FAM117A: variants seen among roughly 807,000 people sequenced by gnomAD.
The protein encoded by FAM117A is protein FAM117A.
A neutral mutation model predicts 44.1 loss-of-function variants in FAM117A; 21 were observed. That is an observed-to-expected ratio of 0.48 (90% CI 0.34 to 0.69). The LOEUF (loss-of-function observed/expected upper bound fraction) is 0.69, where lower values mean the gene tolerates loss of function less well. Among genes scored for constraint, FAM117A ranks in the 30% least tolerant of loss-of-function variants. The pLI is 0.01. For missense variants in FAM117A, 498 were observed against 589.9 expected (o/e 0.84, Z 1.61); for synonymous variants, 220 against 238.3 (o/e 0.92, Z 0.71).
chr17:49,711,273 C>T lies in FAM117A; in HGVS notation c.1344G>A (p.Gln448=), dbSNP rs2143681903. ...TPPSEEPVLF[Q]SSLMV ...GGGACCCTCAGACCATCAGGGAGCTCTGGAAAAGCACAGGCTCTTCTGATG... is the reference window on the plus strand; with the variant it reads ...GGGACCCTCAGACCATCAGGGAGCTTTGGAAAAGCACAGGCTCTTCTGATG... Residue 448 remains glutamine (Q), a synonymous_variant, in exon 8 of 8, where the codon CAG becomes CAA. Transcript: ENST00000240364. 2.5e-6 allele frequency: 4 copies of T among 1,605,852 alleles called. No homozygotes were observed. Among genetic ancestry groups the T allele is most frequent in the Non-Finnish European group, 3.4e-6 (4 of 1,175,098 alleles).
upstream of FAM117A, chr17:49,788,717 A>C: frequency 1.8e-6 from 2 of 1,134,804 alleles, no homozygotes; most frequent in South Asian, 1.5e-5. Context: ...AGGAGGCACT[A>C]GGGATCGTCC....
rs138766892 is a variant in FAM117A, at chr17:49,713,505, T to C, written c.1062-1950A>G. ...TGCACTCAGTATACAGACTGATAAA[T>C]TGGTTACCATCTTTTTTTTTGGACA... On this transcript the variant is annotated intron_variant, in intron 7 of 7. Coordinates refer to ENST00000240364, the MANE Select transcript of FAM117A (RefSeq NM_030802.4). Among the ~76,000 whole-genome samples the C allele has an allele frequency of 8.4e-3, 1,281 of 152,160 alleles. 9 individuals carry two copies. The highest frequency in any genetic ancestry group is 0.015 in the South Asian group (70 of 4,822).
At chr17:49,751,299 A>G (rs531145640) in intron 1 of FAM117A, among the ~76,000 whole-genome samples, 5,408 of 148,798 alleles carry the variant, frequency 0.036, 267 homozygotes, top group African/African-American at 0.11. Context: ...AAAAAAAAAA[A>G]GCCGGGCGCG....
At chr17:49,744,492 A>G (rs1229182138) in intron 1 of FAM117A, among the ~76,000 whole-genome samples, 1 of 150,556 alleles carries the variant, frequency 6.6e-6, no homozygotes, top group Non-Finnish European at 1.5e-5. Context: ...GCTAATTTCT[A>G]AATTTTTTGT....
intron 2 of FAM117A, among the ~76,000 whole-genome samples, chr17:49,724,167 A>G (rs1329608742): frequency 6.6e-6 from 1 of 152,128 alleles, no homozygotes; most frequent in Non-Finnish European, 1.5e-5. Flanking sequence ...GTGAGGAGGA[A>G]GCCCATCTCT....
At chr17:49,753,494 C>A (rs556105388) in intron 1 of FAM117A, among the ~76,000 whole-genome samples, 78 of 152,282 alleles carry the variant, frequency 5.1e-4, no homozygotes, top group Non-Finnish European at 1.0e-3. Flanking sequence ...AGAAGCACCA[C>A]AGAGCTAAAC....
In FAM117A at chr17:49,749,534, G is replaced by A. The variant is rs1190114012; in HGVS notation, c.196+14358C>T. 4.2e-5 allele frequency among the ~76,000 whole-genome samples: 5 copies of A among 119,600 alleles called. 1 individual carries two copies. The highest frequency in any genetic ancestry group is 1.9e-4 in the Admixed American group (2 of 10,808). The allele number at this position is 119,600 out of a possible 152,430, so 78.5% of individuals were successfully genotyped here. ...AGAAGTTGCAGTGAGCCGAGATCGC[G>A]CCACTGTACTCTAGCCTGGTGACAG... On this transcript the variant is annotated intron_variant, in intron 1 of 7. Transcript: ENST00000240364.
intron 1 of FAM117A, among the ~76,000 whole-genome samples, chr17:49,773,744 G>A (rs558293405): frequency 6.6e-6 from 1 of 151,106 alleles, no homozygotes; most frequent in Admixed American, 6.6e-5. Flanking sequence ...TTTTGTAGTA[G>A]CTTAAGGTAG....
intron 1 of FAM117A, 52 bp from the exon 2 acceptor site, chr17:49,732,772 C>T (rs768389703): frequency 2.8e-5 from 44 of 1,567,554 alleles, no homozygotes; most frequent in South Asian, 2.5e-4. Flanking sequence ...AGGAAGGAGA[C>T]GTGGCAATCA....
At chr17:49,719,919 TCA>T in intron 4 of FAM117A, 25 bp from the exon 5 acceptor site, 2 of 1,593,434 alleles carry the variant, frequency 1.3e-6, no homozygotes, top group Non-Finnish European at 1.7e-6. Context: ...AATGACAAAA[TCA>T]CACACAGCCC....
intron 1 of FAM117A, among the ~76,000 whole-genome samples, chr17:49,777,444 G>T (rs1377755829): frequency 1.3e-5 from 2 of 152,124 alleles, no homozygotes; most frequent in Admixed American, 6.6e-5. Context: ...GTAGTATCTT[G>T]TATGAGACCT....
At chr17:49,715,822 C>G (rs1470081080) in intron 7 of FAM117A, among the ~76,000 whole-genome samples, 2 of 151,586 alleles carry the variant, frequency 1.3e-5, no homozygotes, top group Non-Finnish European at 3.0e-5. Context: ...CGCTCTCGCT[C>G]TCTCTCTCTG....
At chr17:49,750,586 C>G (rs1351065834) in intron 1 of FAM117A, among the ~76,000 whole-genome samples, 1 of 151,822 alleles carries the variant, frequency 6.6e-6, no homozygotes, top group African/African-American at 2.4e-5. Context: ...ACCAGCCTGG[C>G]CAACATGGTG....
Position 49,722,715 on chromosome 17 carries a change from C to G in FAM117A, c.367-121G>C, listed in dbSNP as rs1204889076. 1.7e-5 allele frequency: 12 copies of G among 722,406 alleles called. No homozygotes were observed. The East Asian group carries it at 3.0e-4, about 18-fold the overall frequency. 44.7% of individuals were successfully genotyped at this position (722,406 alleles called of 1,614,324 possible). A position where few individuals can be genotyped will look rare whatever the true frequency, so the allele number is the denominator to read the frequency against. On this transcript the variant is annotated intron_variant, in intron 2 of 7. Coordinates refer to ENST00000240364, the MANE Select transcript of FAM117A (RefSeq NM_030802.4). ...AGCCCTTCTCTCTGCTCATCAACCT[C>G]TGAACACTCCCAGTCGGTGTTCTTC...
At chr17:49,785,086 T>C (rs571079835) in intron 1 of FAM117A, among the ~76,000 whole-genome samples, 3 of 152,388 alleles carry the variant, frequency 2.0e-5, no homozygotes, top group Admixed American at 2.0e-4. Flanking sequence ...TAGCCATTTA[T>C]TGAGCAATTA....
At chr17:49,780,397 C>T (rs1281767088) in intron 1 of FAM117A, among the ~76,000 whole-genome samples, 1 of 152,146 alleles carries the variant, frequency 6.6e-6, no homozygotes, top group Non-Finnish European at 1.5e-5. Context: ...CTGACTAGGG[C>T]TTTTATAATG....
chr17:49,711,152 C>T lies in FAM117A; in HGVS notation c.*103G>A. ...GTAAGTGAAAGAAAGTGCTCGAAGG[C>T]CGAGAGGGAAGGGCCCCTCCATACC... is the stretch of plus-strand genomic sequence containing the variant. On this transcript the variant is annotated 3_prime_UTR_variant, in exon 8 of 8. Coordinates refer to ENST00000240364, the MANE Select transcript of FAM117A (RefSeq NM_030802.4). The T allele has an allele frequency of 1.7e-6, 2 of 1,175,806 alleles. No homozygotes were observed. Among genetic ancestry groups the T allele is most frequent in the South Asian group, 1.6e-5 (1 of 63,656 alleles). The allele number at this position is 1,175,806 out of a possible 1,614,324, so 72.8% of individuals were successfully genotyped here. A position where few individuals can be genotyped will look rare whatever the true frequency, so the allele number is the denominator to read the frequency against.
At chr17:49,783,086 T>G (rs1487059207) in intron 1 of FAM117A, among the ~76,000 whole-genome samples, 1 of 152,230 alleles carries the variant, frequency 6.6e-6, no homozygotes, top group Non-Finnish European at 1.5e-5. Flanking sequence ...GGCAATTCCC[T>G]GGTCTTCTTG....
chr17:49,757,196 C>G (rs1023311878), intron 1 of FAM117A, among the ~76,000 whole-genome samples: 6 of 151,910 alleles, frequency 3.9e-5, no homozygotes, highest in Admixed American at 2.6e-4. Flanking sequence ...TGTCCTCCAC[C>G]CCCCCAGCAA....
Sources: allele counts gnomAD v4.1 joint callset (sites outside exome capture counted in the v4.1 genomes callset), GRCh38; gene constraint gnomAD v4.1.1; transcripts MANE v1.5; gene names NCBI Gene and HGNC (gene_info 2026-07-23, HGNC 2026-07-21).